Variants in GHR observed in about 807,000 individuals in gnomAD.
The protein encoded by GHR is growth hormone receptor.
In GHR, 35 loss-of-function variants were observed where a neutral mutation model predicts 67.1. The ratio of observed to expected loss-of-function variants is 0.52; its 90% CI spans 0.40 to 0.69. GHR has a LOEUF of 0.69. Among genes scored for constraint, GHR ranks in the 30% least tolerant of loss-of-function variants. The pLI, the probability that GHR is intolerant of heterozygous loss-of-function variation, is 0.00. For synonymous variants in GHR, 272 were observed against 269.1 expected (o/e 1.01, Z -0.10); for missense variants, 792 against 764.6 (o/e 1.04, Z -0.42).
rs144822419 is a variant in GHR at position 42,633,804 on chromosome 5, G to A, written c.136+4701G>A. Among the ~76,000 whole-genome samples, 486 of 152,120 alleles carry A rather than the reference G, an allele frequency of 3.2e-3. 2 individuals are homozygous for A. The highest frequency in any genetic ancestry group is 0.011 in the African/African-American group (445 of 41,472). ...ATGTACTCCTATGTTTATATTCCCT[G>A]CAGTCTTGCTTCATTATATCCATTT... On this transcript the variant is annotated intron_variant, in intron 3 of 9. Coordinates refer to ENST00000230882, the MANE Select transcript of GHR (RefSeq NM_000163.5).
chr5:42,696,388 T>G (rs1266824538), intron 5 of GHR, among the ~76,000 whole-genome samples: 2 of 152,172 alleles, frequency 1.3e-5, no homozygotes, highest in Admixed American at 1.3e-4. Flanking sequence ...GCCTGAGGGA[T>G]GAGGAAGGGC....
At chr5:42,713,351 GT>G (rs1758563892) in intron 7 of GHR, 77 bp from the exon 8 acceptor site, 1 of 748,098 alleles carries the variant, frequency 1.3e-6, no homozygotes, top group Non-Finnish European at 2.4e-6. Flanking sequence ...TGAATTTTTT[GT>G]GAAAAGGGAA....
intron 3 of GHR, among the ~76,000 whole-genome samples, chr5:42,644,813 A>G (rs985850022): frequency 5.9e-5 from 9 of 152,090 alleles, no homozygotes; most frequent in Non-Finnish European, 8.8e-5. Flanking sequence ...ATTAAACCAT[A>G]TTTTCTATTT....
intron 1 of GHR, among the ~76,000 whole-genome samples, chr5:42,463,843 A>T (rs932620145): frequency 1.3e-5 from 2 of 150,690 alleles, no homozygotes; most frequent in Non-Finnish European, 3.0e-5. Flanking sequence ...AATACAAAAA[A>T]TTAGCCGGGC....
chr5:42,523,557 G>A (rs1248176363), intron 1 of GHR, among the ~76,000 whole-genome samples: 2 of 152,058 alleles, frequency 1.3e-5, no homozygotes, highest in African/African-American at 2.4e-5. Context: ...CCCATATAAG[G>A]TGGGGAACTT....
At chr5:42,693,481 A>T (rs1353426767) in intron 4 of GHR, among the ~76,000 whole-genome samples, 1 of 152,084 alleles carries the variant, frequency 6.6e-6, no homozygotes, top group Non-Finnish European at 1.5e-5. Context: ...GCAGCAATTC[A>T]CTGTCTCAGA....
At chr5:42,515,665 A>C (rs2112281315) in intron 1 of GHR, among the ~76,000 whole-genome samples, 1 of 152,376 alleles carries the variant, frequency 6.6e-6, no homozygotes, top group Admixed American at 6.5e-5. Context: ...GGTGGATATA[A>C]AAGCAGAAAG....
chr5:42,637,943 T>C (rs1371081061), intron 3 of GHR, among the ~76,000 whole-genome samples: 1 of 151,910 alleles, frequency 6.6e-6, no homozygotes, highest in African/African-American at 2.4e-5. Flanking sequence ...TGGTTGTTTG[T>C]TTGTTTGTTT....
chr5:42,679,356 G>A (rs1756740522), intron 3 of GHR, among the ~76,000 whole-genome samples: 1 of 151,632 alleles, frequency 6.6e-6, no homozygotes, highest in African/African-American at 2.4e-5. Flanking sequence ...GCTGGGCATG[G>A]TGGCTCACAC....
At chr5:42,575,342 A>ATTT (rs1218682119) in intron 2 of GHR, among the ~76,000 whole-genome samples, 1 of 152,128 alleles carries the variant, frequency 6.6e-6, no homozygotes, top group Non-Finnish European at 1.5e-5. Flanking sequence ...GAATTGTGTG[A>ATTT]TTTTTTTAAG....
rs7702407 is a variant in GHR at position 42,467,370 on chromosome 5, A to G, written c.-12+43415A>G. On this transcript the variant is annotated intron_variant, in intron 1 of 9. Transcript: ENST00000230882. ...CAATCTGCGTAAAGGCTTTGCCAGAATCGTTACAGGCAGAGGGCTTCTCCC... is the reference window on the plus strand; with the variant it reads ...CAATCTGCGTAAAGGCTTTGCCAGAGTCGTTACAGGCAGAGGGCTTCTCCC... The G allele has an allele frequency of 6.4e-3, 6,184 of 963,494 alleles. 232 individuals carry two copies. In the African/African-American group the frequency reaches 0.088, roughly 14 times the overall value. 59.7% of individuals were successfully genotyped at this position (963,494 alleles called of 1,614,324 possible).
chr5:42,587,770 T>C (rs913853844), intron 2 of GHR, among the ~76,000 whole-genome samples: 1 of 152,000 alleles, frequency 6.6e-6, no homozygotes, highest in African/African-American at 2.4e-5. Flanking sequence ...GAAAACAAGG[T>C]AAGAAGCTTA....
chr5:42,643,994 G>GT (rs1447442052), intron 3 of GHR, among the ~76,000 whole-genome samples: 2 of 151,974 alleles, frequency 1.3e-5, no homozygotes, highest in Non-Finnish European at 2.9e-5. Flanking sequence ...GAATAAAGTT[G>GT]TTTTTTTAAA....
intron 1 of GHR, chr5:42,465,306 T>A (rs890066991): frequency 1.9e-4 from 133 of 688,756 alleles, no homozygotes; most frequent in Non-Finnish European, 2.6e-4. Flanking sequence ...AAGAACAGAT[T>A]TTTTTTTTGC....
chr5:42,523,032 C>T (rs1471757017), intron 1 of GHR, among the ~76,000 whole-genome samples: 4 of 152,122 alleles, frequency 2.6e-5, no homozygotes, highest in Non-Finnish European at 1.5e-5. Context: ...CCAATGAGGA[C>T]GTGTGGCAAT....
intron 2 of GHR, among the ~76,000 whole-genome samples, chr5:42,588,379 G>T (rs937915401): frequency 6.6e-6 from 1 of 151,900 alleles, no homozygotes; most frequent in African/African-American, 2.4e-5. Flanking sequence ...AATTAGCCAG[G>T]CTTGGTGGCA....
intron 4 of GHR, among the ~76,000 whole-genome samples, chr5:42,692,098 G>C (rs1228361225): frequency 6.6e-6 from 1 of 152,232 alleles, no homozygotes; most frequent in South Asian, 2.1e-4. Context: ...TCTATACAAG[G>C]TTGTGTGGAA....
rs147055719 is a variant in GHR, at chr5:42,570,147, A to T, written c.70+4203A>T. ...ACACAAGTATTAGAGTCATGGTTTC[A>T]GTTAGTAAACAGTAATGAATGCATC... On this transcript the variant is annotated intron_variant, in intron 2 of 9. Coordinates refer to ENST00000230882, the MANE Select transcript of GHR (RefSeq NM_000163.5). 9.2e-5 allele frequency among the ~76,000 whole-genome samples: 14 copies of T among 152,344 alleles called. No individual in the cohort carries two copies. In the East Asian group the frequency reaches 2.7e-3, roughly 29 times the overall value.
chr5:42,585,643 A>G (rs1340073850), intron 2 of GHR, among the ~76,000 whole-genome samples: 2 of 152,234 alleles, frequency 1.3e-5, no homozygotes, highest in African/African-American at 4.8e-5. Flanking sequence ...TGAATCAAAA[A>G]TTTTTAAAGA....
Sources: allele counts gnomAD v4.1 joint callset (sites outside exome capture counted in the v4.1 genomes callset), GRCh38; gene constraint gnomAD v4.1.1; transcripts MANE v1.5; gene names NCBI Gene and HGNC (gene_info 2026-07-23, HGNC 2026-07-21).